Variants in RASSF3 observed in about 807,000 individuals in gnomAD.
RASSF3 encodes the protein ras association domain-containing protein 3.
RASSF3 carries 19 observed loss-of-function variants against 19.9 expected under a neutral mutation model. The observed-to-expected ratio is 0.96, with a 90% CI of 0.67 to 1.40. RASSF3 has a LOEUF of 1.40. RASSF3 is among the 40% of genes most tolerant of loss of function. The pLI is 0.00. For missense variants in RASSF3, 306 were observed against 289.8 expected (o/e 1.06, Z -0.41); for synonymous variants, 110 against 104.2 (o/e 1.06, Z -0.34).
At chr12:64,562,602 T>C (rs1319565703) in intron 2 of RASSF3, among the ~76,000 whole-genome samples, 2 of 150,160 alleles carry the variant, frequency 1.3e-5, no homozygotes, top group Non-Finnish European at 3.0e-5. Flanking sequence ...ACTTCCTCTA[T>C]TCTCCTGGGT....
At chr12:64,686,988 A>G (rs1270048541) in intron 2 of RASSF3, among the ~76,000 whole-genome samples, 1 of 152,108 alleles carries the variant, frequency 6.6e-6, no homozygotes, top group East Asian at 1.9e-4. Context: ...TTTTCTAAAT[A>G]TACTGTTTTT....
At chr12:64,535,538 T>C (rs1190612104) in intron 1 of RASSF3, among the ~76,000 whole-genome samples, 1 of 151,988 alleles carries the variant, frequency 6.6e-6, no homozygotes, top group African/African-American at 2.4e-5. Flanking sequence ...TAATTTTTTG[T>C]ATTTTTTTGT....
intron 1 of RASSF3, chr12:64,622,640 C>G (rs1870823029): frequency 2.8e-6 from 1 of 352,578 alleles, no homozygotes; most frequent in East Asian, 9.7e-5. Context: ...AAAATTGTTG[C>G]TTAATCTCTT....
chr12:64,674,861 G>C (rs553588175), intron 1 of RASSF3, among the ~76,000 whole-genome samples: 1 of 152,170 alleles, frequency 6.6e-6, no homozygotes, highest in African/African-American at 2.4e-5. Flanking sequence ...AAAGTTGGGG[G>C]AGTATAGTAG....
intron 2 of RASSF3, among the ~76,000 whole-genome samples, chr12:64,571,902 G>C (rs1869524813): frequency 6.6e-6 from 1 of 152,072 alleles, no homozygotes; most frequent in Non-Finnish European, 1.5e-5. Context: ...AGTGATTTTG[G>C]GATTCTGCTG....
At chr12:64,552,489 A>T (rs750482553) in intron 2 of RASSF3, among the ~76,000 whole-genome samples, 1 of 152,158 alleles carries the variant, frequency 6.6e-6, no homozygotes, top group Non-Finnish European at 1.5e-5. Context: ...ATTAAGCCCA[A>T]CATCCACTAA....
intron 2 of RASSF3, among the ~76,000 whole-genome samples, chr12:64,561,330 C>T (rs1007448223): frequency 1.3e-5 from 2 of 152,198 alleles, no homozygotes; most frequent in African/African-American, 2.4e-5. Context: ...AGAAGAGAAA[C>T]TTTAAAATTT....
At chr12:64,517,782 C>G (rs893982163) in intron 1 of RASSF3, among the ~76,000 whole-genome samples, 1 of 152,010 alleles carries the variant, frequency 6.6e-6, no homozygotes, top group African/African-American at 2.4e-5. Context: ...GCATGCCCAG[C>G]TAATTTTTGT....
chr12:64,621,748 A>G (rs891619681), intron 1 of RASSF3, among the ~76,000 whole-genome samples: 6 of 152,232 alleles, frequency 3.9e-5, no homozygotes, highest in African/African-American at 1.4e-4. Flanking sequence ...CTGGGATTAT[A>G]GGCGTGAGCC....
chr12:64,665,832 T>C lies in RASSF3; in HGVS notation c.112-18955T>C, dbSNP rs1177656484. Among the ~76,000 whole-genome samples the C allele has an allele frequency of 2.0e-5, 3 of 152,238 alleles. 1 individual carries two copies. Among genetic ancestry groups the C allele is most frequent in the Admixed American group, 2.0e-4 (3 of 15,290 alleles). On this transcript the variant is annotated intron_variant, in intron 1 of 4. Transcript: ENST00000542104. ...GCAGGGTCGCTCTTCAGCTCTTTCC[T>C]AAGTGCAGTTGAGAATCTTCCTGGG...
chr12:64,541,192 C>T (rs1868927777), intron 1 of RASSF3, among the ~76,000 whole-genome samples: 1 of 152,030 alleles, frequency 6.6e-6, no homozygotes, highest in Non-Finnish European at 1.5e-5. Context: ...CGCCATGTTG[C>T]CCAGGCTGGT....
At chr12:64,678,583 CT>C (rs1872992419) in intron 1 of RASSF3, among the ~76,000 whole-genome samples, 1 of 129,852 alleles carries the variant, frequency 7.7e-6, no homozygotes, top group South Asian at 2.5e-4. Context: ...TTAATATTTG[CT>C]CTTTTTTGTT....
upstream of RASSF3, among the ~76,000 whole-genome samples, chr12:64,529,618 A>G (rs1204837321): frequency 2.0e-5 from 3 of 152,186 alleles, no homozygotes; most frequent in Non-Finnish European, 2.9e-5. Context: ...TAGATCAAGA[A>G]TCGATGAACT....
At chr12:64,641,425 C>CGCGCGCGCGT (rs1871525260) in intron 1 of RASSF3, among the ~76,000 whole-genome samples, 1 of 151,646 alleles carries the variant, frequency 6.6e-6, no homozygotes, top group African/African-American at 2.4e-5. Context: ...CGCGCGCGCG[C>CGCGCGCGCGT]GCGTTGAAAA....
At chr12:64,647,663 G>A (rs1374928910) in intron 1 of RASSF3, among the ~76,000 whole-genome samples, 2 of 151,574 alleles carry the variant, frequency 1.3e-5, no homozygotes, top group African/African-American at 2.4e-5. Context: ...TGCCCACCTC[G>A]GCCTCCCAAA....
chr12:64,649,383 A>G (rs1287172125), intron 1 of RASSF3, among the ~76,000 whole-genome samples: 3 of 151,640 alleles, frequency 2.0e-5, no homozygotes, highest in African/African-American at 7.3e-5. Context: ...TAGTAGAGAC[A>G]GGGTTTCACC....
At chr12:64,630,833 A>G (rs184922390) in intron 1 of RASSF3, among the ~76,000 whole-genome samples, 46 of 152,326 alleles carry the variant, frequency 3.0e-4, no homozygotes, top group Middle Eastern at 3.4e-3. Flanking sequence ...GCTAGCAAGC[A>G]GCCACTCACC....
chr12:64,507,332 A>T (rs1868297997), intron 1 of RASSF3: 1 of 398,592 alleles, frequency 2.5e-6, no homozygotes, highest in Non-Finnish European at 4.4e-6. Flanking sequence ...AGGTGGGGGT[A>T]AGTTACCTCA....
rs896542119 is a variant in RASSF3 at position 64,567,833 on chromosome 12, T to C, written c.294+26128T>C. ...ACTGCTGGGCTGTGGGGTGTCCACATCTGTCCCTGCTGCCCAGGCAGGCGT... is the reference window on the plus strand; with the variant it reads ...ACTGCTGGGCTGTGGGGTGTCCACACCTGTCCCTGCTGCCCAGGCAGGCGT... On this transcript the variant is annotated intron_variant, in intron 2 of 5. Transcript: ENST00000637125. Among the ~76,000 whole-genome samples the C allele has an allele frequency of 9.8e-5, 15 of 152,336 alleles. 1 individual carries two copies. Among genetic ancestry groups the C allele is most frequent in the Middle Eastern group, 6.8e-3 (2 of 294 alleles).
Sources: allele counts gnomAD v4.1 joint callset (sites outside exome capture counted in the v4.1 genomes callset), GRCh38; gene constraint gnomAD v4.1.1; transcripts MANE v1.5; gene names NCBI Gene and HGNC (gene_info 2026-07-23, HGNC 2026-07-21).